Variants in CIMIP1 observed in about 807,000 individuals in gnomAD.
The protein encoded by CIMIP1 is low in lung cancer 1.
At chr20:58,154,927 T>C in the CIMIP1 span, among the ~76,000 whole-genome samples, 4 of 152,162 alleles carry the variant, frequency 2.6e-5, no homozygotes, top group African/African-American at 9.7e-5. Context: ...TCACCTTGGC[T>C]CCCAAGTAGC....
chr20:58,153,479 T>C, the CIMIP1 span: 1 of 1,210,236 alleles, frequency 8.3e-7, no homozygotes, highest in Non-Finnish European at 1.2e-6. Context: ...AGAATGGAAA[T>C]GTCCCCCACA....
the CIMIP1 span, chr20:58,160,838 T>C: frequency 6.2e-7 from 1 of 1,603,000 alleles, no homozygotes; most frequent in Non-Finnish European, 8.5e-7. Context: ...GACGGAGTTC[T>C]GCCCAGGGGT....
At chr20:58,160,535 T>G in the CIMIP1 span, 2 of 976,802 alleles carry the variant, frequency 2.0e-6, no homozygotes, top group Non-Finnish European at 2.9e-6. Context: ...ATGTGCTTGT[T>G]TTCAGTACAC....
chr20:58,158,193 G>A, the CIMIP1 span, among the ~76,000 whole-genome samples: 1 of 152,130 alleles, frequency 6.6e-6, no homozygotes, highest in Non-Finnish European at 1.5e-5. Context: ...CCAAAACATG[G>A]TTATCTCCTG....
chr20:58,157,042 A>G, the CIMIP1 span, among the ~76,000 whole-genome samples: 1 of 152,216 alleles, frequency 6.6e-6, no homozygotes, highest in Admixed American at 6.5e-5. Context: ...ATAAAGCAAT[A>G]TAGAGTCACT....
chr20:58,158,813 A>G, the CIMIP1 span, among the ~76,000 whole-genome samples: 3 of 152,200 alleles, frequency 2.0e-5, no homozygotes, highest in Non-Finnish European at 4.4e-5. Flanking sequence ...GGACCCCTGG[A>G]GCCACTGTCA....
At chr20:58,153,503 T>A in the CIMIP1 span, 1 of 1,491,884 alleles carries the variant, frequency 6.7e-7, no homozygotes, top group Non-Finnish European at 9.3e-7. Flanking sequence ...CCCTTGAACC[T>A]TTTTCCGTGT....
At chr20:58,159,018 G>A in the CIMIP1 span, among the ~76,000 whole-genome samples, 1 of 152,108 alleles carries the variant, frequency 6.6e-6, no homozygotes, top group Admixed American at 6.5e-5. Context: ...GAGCCTCCGT[G>A]GGTGGATATG....
the CIMIP1 span, among the ~76,000 whole-genome samples, chr20:58,158,419 G>C: frequency 1.3e-5 from 2 of 152,246 alleles, no homozygotes; most frequent in Non-Finnish European, 2.9e-5. Context: ...GGGAGGCCGA[G>C]ACAGGCGGAT....
the CIMIP1 span, chr20:58,155,553 T>A: frequency 6.2e-7 from 1 of 1,614,032 alleles, no homozygotes; most frequent in Non-Finnish European, 8.5e-7. Context: ...GTGACCCCAG[T>A]GGAGAAGTAC....
chr20:58,155,637 G>C, the CIMIP1 span: 1 of 1,315,882 alleles, frequency 7.6e-7, no homozygotes, highest in South Asian at 1.3e-5. Context: ...ATAAGCCCCA[G>C]TGGAAACTGA....
the CIMIP1 span, among the ~76,000 whole-genome samples, chr20:58,158,104 C>T: frequency 1.7e-4 from 26 of 152,170 alleles, no homozygotes; most frequent in Non-Finnish European, 2.5e-4. Flanking sequence ...CCAAAGAAAG[C>T]GCCCCCACCT....
the CIMIP1 span, among the ~76,000 whole-genome samples, chr20:58,153,236 A>T: frequency 6.6e-6 from 1 of 152,280 alleles, no homozygotes; most frequent in South Asian, 2.1e-4. Flanking sequence ...TTGAGTCATA[A>T]GGGCCTCCAA....
At chr20:58,160,759 G>T in the CIMIP1 span, 1 of 1,614,078 alleles carries the variant, frequency 6.2e-7, no homozygotes, top group South Asian at 1.1e-5. Context: ...TCGACGATGC[G>T]ATCAGAAGCT....
the CIMIP1 span, among the ~76,000 whole-genome samples, chr20:58,157,848 G>T: frequency 1.3e-5 from 2 of 152,244 alleles, no homozygotes; most frequent in Non-Finnish European, 2.9e-5. Context: ...GCTGGCCGGA[G>T]AATAGAGGAA....
At chr20:58,160,177 C>T in the CIMIP1 span, among the ~76,000 whole-genome samples, 1 of 152,238 alleles carries the variant, frequency 6.6e-6, no homozygotes, top group Non-Finnish European at 1.5e-5. Flanking sequence ...GCCCATTTTC[C>T]TTTTGGTTTT....
At chr20:58,155,037 C>A in the CIMIP1 span, among the ~76,000 whole-genome samples, 13 of 152,356 alleles carry the variant, frequency 8.5e-5, 1 homozygote, top group Admixed American at 8.5e-4. Context: ...AACTCCTGAG[C>A]TCAAGCAATC....
chr20:58,160,748 C>T, the CIMIP1 span: 1 of 1,614,178 alleles, frequency 6.2e-7, no homozygotes, highest in South Asian at 1.1e-5. Flanking sequence ...GTGCCTAGAG[C>T]TCGACGATGC....
chr20:58,150,933 A>T, the CIMIP1 span: 1 of 1,585,480 alleles, frequency 6.3e-7, no homozygotes, highest in South Asian at 1.2e-5. Flanking sequence ...CCAGGGCCAG[A>T]GCTTGCGGGG....
Sources: gnomAD v4.1 joint callset for allele counts (sites outside exome capture counted in the v4.1 genomes callset) on GRCh38, gnomAD v4.1.1 for gene constraint, MANE v1.5 for transcripts, NCBI Gene and HGNC (gene_info 2026-07-23, HGNC 2026-07-21) for gene names.